IGF1R: variants seen among roughly 807,000 people sequenced by gnomAD.
IGF1R encodes the protein insulin-like growth factor 1 receptor.
Under a neutral mutation model 144.6 loss-of-function variants are expected in IGF1R, and 44 were observed. The observed-to-expected ratio is 0.30, with a 90% CI of 0.24 to 0.39. IGF1R has a LOEUF of 0.39. Among genes scored for constraint, IGF1R ranks in the 10% least tolerant of loss-of-function variants. The probability of loss-of-function intolerance (pLI) is 1.00; values close to 1 mark genes in which losing one functional copy is unlikely to be tolerated. For missense variants in IGF1R, 1,355 were observed against 1,833.7 expected (o/e 0.74, Z 4.77); for synonymous variants, 795 against 722.8 (o/e 1.10, Z -1.60).
At chr15:98,654,627 T>G (rs902563515) in intron 1 of IGF1R, among the ~76,000 whole-genome samples, 3 of 152,312 alleles carry the variant, frequency 2.0e-5, no homozygotes, top group South Asian at 2.1e-4. Context: ...CAATTTGTTT[T>G]CAAAACTCAT....
chr15:98,874,770 G>A (rs555076297), intron 2 of IGF1R, among the ~76,000 whole-genome samples: 2 of 152,378 alleles, frequency 1.3e-5, no homozygotes, highest in African/African-American at 4.8e-5. Context: ...CAGCTCTGCA[G>A]TGAAGCAGAA....
intron 11 of IGF1R, among the ~76,000 whole-genome samples, chr15:98,923,398 G>A (rs755050611): frequency 1.8e-4 from 28 of 152,242 alleles, no homozygotes; most frequent in Non-Finnish European, 2.9e-4. Flanking sequence ...GTGTAGACGC[G>A]GGCCACGGAG....
chr15:98,921,957 G>A lies in IGF1R; in HGVS notation c.2202-191G>A, dbSNP rs184948398. 7.2e-4 allele frequency among the ~76,000 whole-genome samples: 110 copies of A among 152,206 alleles called. 2 individuals are homozygous for A. In the Middle Eastern group the frequency reaches 0.01, roughly 14 times the overall value. ...GGGTGAGAGTTTGTGTGCCCATTCT[G>A]ACACTTGCAGAGTAGAGAAAGCAAG... On this transcript the variant is annotated intron_variant, in intron 10 of 20. Transcript: ENST00000650285.
At chr15:98,913,669 G>A (rs1306174911) in intron 8 of IGF1R, among the ~76,000 whole-genome samples, 2 of 152,190 alleles carry the variant, frequency 1.3e-5, no homozygotes, top group Non-Finnish European at 2.9e-5. Context: ...GTAGCTCACT[G>A]GTTTTCCATC....
intron 2 of IGF1R, among the ~76,000 whole-genome samples, chr15:98,720,932 G>A (rs1019650248): frequency 1.5e-4 from 23 of 152,182 alleles, no homozygotes; most frequent in African/African-American, 5.3e-4. Flanking sequence ...AGTGATTGAT[G>A]TCTTCTTCTA....
At position 98,923,889 on chromosome 15, in the gene IGF1R, C is replaced by A; in HGVS notation, c.2499C>A (p.Asp833Glu). 1 of 1,613,938 alleles carries A rather than the reference C, an allele frequency of 6.2e-7. No homozygotes were observed. Among genetic ancestry groups the A allele is most frequent in the Non-Finnish European group, 8.5e-7 (1 of 1,179,782 alleles). Residue 833 changes from aspartate to glutamate, a missense_variant, in exon 12 of 21, where the codon GAC (aspartate) becomes GAA (glutamate). Asp to Glu is a conservative substitution (Grantham distance 45). Coordinates refer to ENST00000650285, the MANE Select transcript of IGF1R (RefSeq NM_000875.5). ...TAAATTGTACAGAAGGAGCAGATGA[C>A]ATTCCTGGGCCAGTGACCTGGGAGC... Reference protein sequence around the residue: ...ARTMPAEGADDIPGPVTWEPR... With the variant: ...ARTMPAEGADEIPGPVTWEPR...
chr15:98,901,332 C>T (rs976989682), intron 5 of IGF1R, among the ~76,000 whole-genome samples: 33 of 152,320 alleles, frequency 2.2e-4, no homozygotes, highest in African/African-American at 7.7e-4. Flanking sequence ...TTCATTCCTG[C>T]GTGCAGCTTC....
At chr15:98,877,519 A>G (rs1475336177) in intron 2 of IGF1R, among the ~76,000 whole-genome samples, 1 of 98,114 alleles carries the variant, frequency 1.0e-5, no homozygotes, top group Non-Finnish European at 2.0e-5. Flanking sequence ...TTTTTCCCCA[A>G]AAAATTTGCT....
At chr15:98,660,199 T>G (rs370970653) in intron 1 of IGF1R, 2 of 152,272 alleles carry the variant, frequency 1.3e-5, no homozygotes, top group Non-Finnish European at 2.9e-5. Flanking sequence ...CAGTTCAGGC[T>G]GTACTCATTC....
At chr15:98,783,633 A>G (rs1425891531) in intron 2 of IGF1R, among the ~76,000 whole-genome samples, 1 of 152,142 alleles carries the variant, frequency 6.6e-6, no homozygotes, top group Non-Finnish European at 1.5e-5. Flanking sequence ...GTTTTGGTAG[A>G]GTTACACCCT....
intron 3 of IGF1R, among the ~76,000 whole-genome samples, chr15:98,895,521 G>C (rs1278604388): frequency 1.3e-5 from 2 of 152,190 alleles, no homozygotes; most frequent in African/African-American, 4.8e-5. Context: ...CTGGAAATGA[G>C]AATGTTGAAT....
Position 98,961,281 on chromosome 15 carries a change from G to A in IGF1R, c.*3839G>A, listed in dbSNP as rs1480473642. The A allele has an allele frequency of 4.3e-6, 1 of 233,498 alleles. No individual in the cohort carries two copies. Among genetic ancestry groups the A allele is most frequent in the Non-Finnish European group, 8.5e-6 (1 of 117,992 alleles). 14.5% of individuals were successfully genotyped at this position (233,498 alleles called of 1,614,324 possible). On this transcript the variant is annotated 3_prime_UTR_variant, in exon 21 of 21. Transcript: ENST00000650285. ...CTACAGATCATTCAGCTGGTTATAA[G>A]GGTTTTGTTTAAACTGTCCGAGTTA...
intron 19 of IGF1R, among the ~76,000 whole-genome samples, chr15:98,945,842 G>A (rs2016528917): frequency 6.6e-6 from 1 of 152,102 alleles, no homozygotes; most frequent in Non-Finnish European, 1.5e-5. Context: ...GCACTCAGTG[G>A]TCCTCAGTGG....
At chr15:98,922,919 C>T (rs374795945) in intron 11 of IGF1R, among the ~76,000 whole-genome samples, 4 of 152,176 alleles carry the variant, frequency 2.6e-5, no homozygotes, top group African/African-American at 9.7e-5. Flanking sequence ...GCCTGTCACT[C>T]GGGCATTCAT....
At chr15:98,681,392 T>C (rs2053186030) in intron 1 of IGF1R, among the ~76,000 whole-genome samples, 1 of 152,216 alleles carries the variant, frequency 6.6e-6, no homozygotes, top group Admixed American at 6.5e-5. Context: ...AGGTTTTCAT[T>C]GATTGCAGTC....
intron 5 of IGF1R, among the ~76,000 whole-genome samples, chr15:98,903,330 T>C (rs2014575483): frequency 6.6e-6 from 1 of 152,232 alleles, no homozygotes; most frequent in Non-Finnish European, 1.5e-5. Context: ...AAAAAGTAGA[T>C]GGAGGGTGGT....
chr15:98,897,681 A>G (rs954490445), intron 4 of IGF1R, among the ~76,000 whole-genome samples: 6 of 152,186 alleles, frequency 3.9e-5, no homozygotes, highest in Non-Finnish European at 5.9e-5. Flanking sequence ...GTCTCAAACA[A>G]TCCTTCTGCT....
intron 2 of IGF1R, among the ~76,000 whole-genome samples, chr15:98,832,900 T>C (rs561053421): frequency 4.1e-4 from 63 of 152,378 alleles, no homozygotes; most frequent in Admixed American, 1.2e-3. Context: ...ACCAGCTTAA[T>C]TGCTTTAGAA....
intron 1 of IGF1R, among the ~76,000 whole-genome samples, chr15:98,657,669 T>C (rs942612541): frequency 1.3e-5 from 2 of 152,224 alleles, no homozygotes; most frequent in Non-Finnish European, 2.9e-5. Context: ...CAACATGATA[T>C]CGTGTAGTCG....
Sources: gnomAD v4.1 joint callset for allele counts (sites outside exome capture counted in the v4.1 genomes callset) on GRCh38, gnomAD v4.1.1 for gene constraint, MANE v1.5 for transcripts, NCBI Gene and HGNC (gene_info 2026-07-23, HGNC 2026-07-21) for gene names.